Variants in TNNI3K observed in about 807,000 individuals in gnomAD.
TNNI3K encodes serine/threonine-protein kinase TNNI3K.
A neutral mutation model predicts 114.5 loss-of-function variants in TNNI3K; 140 were observed. That is an observed-to-expected ratio of 1.22 (90% confidence interval 1.07 to 1.41). The LOEUF is 1.41. Among genes scored for constraint, TNNI3K ranks in the 40% most tolerant of loss-of-function variants. TNNI3K has a pLI of 0.00. For missense variants in TNNI3K, 1,125 were observed against 1,007.6 expected (o/e 1.12, Z -1.58); for synonymous variants, 347 against 347.5 (o/e 1.00, Z 0.02).
intron 11 of TNNI3K, among the ~76,000 whole-genome samples, chr1:74,363,038 T>C (rs373037048): frequency 2.0e-5 from 3 of 152,218 alleles, no homozygotes; most frequent in Admixed American, 1.3e-4. Context: ...TTCTTAAATA[T>C]AGGAAAACAT....
At chr1:74,487,599 G>A (rs1644387995) in intron 21 of TNNI3K, among the ~76,000 whole-genome samples, 1 of 152,018 alleles carries the variant, frequency 6.6e-6, no homozygotes, top group African/African-American at 2.4e-5. Flanking sequence ...ATAGTTGGAA[G>A]TGAATCTAAT....
chr1:74,456,143 G>A (rs576014620), intron 20 of TNNI3K, among the ~76,000 whole-genome samples: 36 of 152,288 alleles, frequency 2.4e-4, no homozygotes, highest in African/African-American at 6.5e-4. Flanking sequence ...TATCTATTAC[G>A]TTAACTGAAG....
intron 4 of TNNI3K, among the ~76,000 whole-genome samples, chr1:74,264,639 C>T (rs992359476): frequency 6.6e-6 from 1 of 152,020 alleles, no homozygotes; most frequent in Non-Finnish European, 1.5e-5. Flanking sequence ...CAAAGTTCAG[C>T]TCCTTCTTGG....
chr1:74,502,841 G>A (rs937232747), intron 23 of TNNI3K, among the ~76,000 whole-genome samples: 3 of 152,098 alleles, frequency 2.0e-5, no homozygotes, highest in Admixed American at 2.0e-4. Context: ...CAGGCGTGCC[G>A]TGGACTCCCT....
intron 20 of TNNI3K, among the ~76,000 whole-genome samples, chr1:74,459,251 A>G (rs914164996): frequency 2.6e-5 from 4 of 152,250 alleles, no homozygotes; most frequent in Admixed American, 2.0e-4. Context: ...TTGAATACCT[A>G]TTAATAGCCA....
At chr1:74,275,093 A>C (rs1365704635) in intron 5 of TNNI3K, among the ~76,000 whole-genome samples, 2 of 152,076 alleles carry the variant, frequency 1.3e-5, no homozygotes, top group African/African-American at 4.8e-5. Flanking sequence ...GTCAGAGAAC[A>C]CAAAATAGAA....
chr1:74,378,682 C>G (rs1663048553), intron 17 of TNNI3K: 1 of 136,926 alleles, frequency 7.3e-6, no homozygotes, highest in Non-Finnish European at 1.6e-5. Context: ...GGCATTTACA[C>G]AATTCATAAT....
chr1:74,348,130 G>T (rs1306793508), intron 9 of TNNI3K, among the ~76,000 whole-genome samples: 1 of 152,096 alleles, frequency 6.6e-6, no homozygotes, highest in Non-Finnish European at 1.5e-5. Context: ...TATGGTTTTA[G>T]GTCTAACATG....
intron 20 of TNNI3K, among the ~76,000 whole-genome samples, chr1:74,445,313 G>A (rs1039385558): frequency 2.8e-5 from 4 of 143,176 alleles, no homozygotes; most frequent in Non-Finnish European, 6.0e-5. Flanking sequence ...CTGGTGCGCT[G>A]CACCCACTAA....
chr1:74,336,295 A>T (rs1244401456), intron 7 of TNNI3K, 146 bp downstream of exon 7: 1 of 1,082,458 alleles, frequency 9.2e-7, no homozygotes, highest in South Asian at 2.1e-5. Flanking sequence ...ATTCATCTTT[A>T]ATATATTTAT....
At chr1:74,496,791 G>A (rs984872640) in intron 23 of TNNI3K, among the ~76,000 whole-genome samples, 1 of 152,066 alleles carries the variant, frequency 6.6e-6, no homozygotes, top group African/African-American at 2.4e-5. Context: ...GATATATTTG[G>A]AAAACTAAGC....
At chr1:74,380,752 C>A (rs150686068) in intron 17 of TNNI3K, among the ~76,000 whole-genome samples, 1 of 152,236 alleles carries the variant, frequency 6.6e-6, no homozygotes, top group African/African-American at 2.4e-5. Context: ...CTCTTGGCAC[C>A]TTGTCGATTT....
rs202090208 is a variant in TNNI3K at position 74,441,120 on chromosome 1, CT to C, written c.2011+1501del. Among the ~76,000 whole-genome samples the C allele has an allele frequency of 8.6e-3, 1,311 of 152,068 alleles. 22 individuals are homozygous for C. The highest frequency in any genetic ancestry group is 0.03 in the African/African-American group (1,233 of 41,498). On this transcript the variant is annotated intron_variant, in intron 20 of 24. Transcript: ENST00000326637. Reference sequence around the variant, plus strand: ...ATAATATACCTGCAGTAAAATTTACCTTTCTAGGTTAACACTTCAATGAGTT... The same window carrying C: ...ATAATATACCTGCAGTAAAATTTACCTTCTAGGTTAACACTTCAATGAGTT...
chr1:74,527,098 T>C lies in TNNI3K; in HGVS notation c.2352-13136T>C, dbSNP rs79334707. ...CAAGTCACGTAGCCCCAAAACTGTA[T>C]ACATTGGAAATCCATCTCCTAGTGG... On this transcript the variant is annotated intron_variant, in intron 23 of 24. Coordinates refer to ENST00000326637, the MANE Select transcript of TNNI3K (RefSeq NM_015978.3). Among the ~76,000 whole-genome samples, 754 of 152,280 alleles carry C rather than the reference T, an allele frequency of 5.0e-3. 3 individuals are homozygous for C. Among genetic ancestry groups the C allele is most frequent in the Non-Finnish European group, 7.8e-3 (529 of 68,034 alleles).
chr1:74,238,350 C>A (rs925054893), intron 2 of TNNI3K, among the ~76,000 whole-genome samples: 1 of 151,830 alleles, frequency 6.6e-6, no homozygotes, highest in African/African-American at 2.4e-5. Flanking sequence ...ATAATAATCA[C>A]CTCACAGGAT....
intron 17 of TNNI3K, among the ~76,000 whole-genome samples, chr1:74,404,605 A>C (rs1557546441): frequency 6.6e-6 from 1 of 152,164 alleles, no homozygotes; most frequent in Non-Finnish European, 1.5e-5. Context: ...TTGGGGCCAA[A>C]ATATTGTATT....
At chr1:74,289,422 A>T (rs2100281758) in intron 5 of TNNI3K, among the ~76,000 whole-genome samples, 1 of 152,128 alleles carries the variant, frequency 6.6e-6, no homozygotes, top group Admixed American at 6.5e-5. Context: ...CTAACAAAAG[A>T]GAGTAATGGG....
rs45517539 is a variant in TNNI3K, at chr1:74,438,455, C to T, written c.1879-1035C>T. Among the ~76,000 whole-genome samples, 1,189 of 152,106 alleles carry T rather than the reference C, an allele frequency of 7.8e-3. 19 individuals are homozygous for T. The highest frequency in any genetic ancestry group is 0.027 in the African/African-American group (1,129 of 41,518). On this transcript the variant is annotated intron_variant, in intron 19 of 24. Coordinates refer to ENST00000326637, the MANE Select transcript of TNNI3K (RefSeq NM_015978.3). Reference sequence around the variant, plus strand: ...AGAGTGATAAAAGAATAATGGTTTCCTTCAATGGACATTTAAAAGTGTGTA... The same window carrying T: ...AGAGTGATAAAAGAATAATGGTTTCTTTCAATGGACATTTAAAAGTGTGTA...
intron 5 of TNNI3K, among the ~76,000 whole-genome samples, chr1:74,281,740 A>G (rs1380430265): frequency 6.6e-6 from 1 of 152,124 alleles, no homozygotes; most frequent in East Asian, 1.9e-4. Flanking sequence ...ACTATATAAA[A>G]CATATTAAAA....
Sources: allele counts gnomAD v4.1 joint callset (sites outside exome capture counted in the v4.1 genomes callset), GRCh38; gene constraint gnomAD v4.1.1; transcripts MANE v1.5; gene names NCBI Gene and HGNC (gene_info 2026-07-23, HGNC 2026-07-21).